TIMM23: variants seen among roughly 807,000 people sequenced by gnomAD.
TIMM23 encodes the protein mitochondrial import inner membrane translocase subunit Tim23.
TIMM23 carries 19 observed loss-of-function variants against 30.7 expected under a neutral mutation model. The observed-to-expected ratio is 0.62, with a 90% CI of 0.43 to 0.91. The LOEUF (loss-of-function observed/expected upper bound fraction) is 0.91. Among genes scored for constraint, TIMM23 ranks in the 40% least tolerant of loss-of-function variants. TIMM23 has a pLI of 0.00. For missense variants in TIMM23, 202 were observed against 269.2 expected (o/e 0.75, Z 1.75); for synonymous variants, 78 against 98.5 (o/e 0.79, Z 1.23).
chr10:45,997,628 A>G (rs1838385778), intron 6 of TIMM23, among the ~76,000 whole-genome samples: 1 of 152,120 alleles, frequency 6.6e-6, no homozygotes, highest in African/African-American at 2.4e-5. Context: ...TCTAGGTAAT[A>G]TAGGGAGACC....
At chr10:45,994,090 A>T (rs1838253954) in intron 6 of TIMM23, among the ~76,000 whole-genome samples, 2 of 152,314 alleles carry the variant, frequency 1.3e-5, no homozygotes. Context: ...CTGTAATCCT[A>T]GCACTTTGGG....
Position 45,982,631 on chromosome 10 carries a change from C to A in TIMM23, c.259+15C>A. On this transcript the variant is annotated intron_variant, in intron 3 of 6. Transcript: ENST00000580018. Reference sequence around the variant, plus strand: ...TTGCATGACAGGTGAGTGTTACATACTTTTTTCTCAAGAGTGCTCAGTTCA... The same window carrying A: ...TTGCATGACAGGTGAGTGTTACATAATTTTTTCTCAAGAGTGCTCAGTTCA... The A allele has an allele frequency of 6.2e-7, 1 of 1,613,598 alleles. No homozygotes were observed. The highest frequency in any genetic ancestry group is 8.5e-7 in the Non-Finnish European group (1 of 1,179,812).
At chr10:45,984,346 C>T (rs1169301780) in intron 4 of TIMM23, among the ~76,000 whole-genome samples, 1 of 152,004 alleles carries the variant, frequency 6.6e-6, no homozygotes, top group African/African-American at 2.4e-5. Flanking sequence ...AAGTAGATCT[C>T]CTAGAAAAGA....
chr10:46,001,854 A>G (rs1554917743), intron 6 of TIMM23, among the ~76,000 whole-genome samples: 1 of 152,214 alleles, frequency 6.6e-6, no homozygotes, highest in Non-Finnish European at 1.5e-5. Context: ...CTAACATTTT[A>G]TAACCATAAG....
At position 45,984,450 on chromosome 10, in the gene TIMM23, C is replaced by T. The variant is rs1391602018; in HGVS notation, c.345-933C>T. 2.6e-5 allele frequency among the ~76,000 whole-genome samples: 4 copies of T among 152,208 alleles called. No homozygotes were observed. The East Asian group carries it at 7.7e-4, about 29-fold the overall frequency. ...TTAAAATATGTTAGTAAATATGTAA[C>T]ATAATTAGAAACAATATACTTCTGT... On this transcript the variant is annotated intron_variant, in intron 4 of 6. Coordinates refer to ENST00000580018, the MANE Select transcript of TIMM23 (RefSeq NM_006327.4).
intron 3 of TIMM23, 29 bp downstream of exon 3, chr10:45,982,645 G>A (rs1837880276): frequency 6.2e-7 from 1 of 1,613,476 alleles, no homozygotes; most frequent in Non-Finnish European, 8.5e-7. Flanking sequence ...TTTCTCAAGA[G>A]TGCTCAGTTC....
At chr10:45,995,315 A>G (rs1273790506) in intron 6 of TIMM23, among the ~76,000 whole-genome samples, 2 of 151,910 alleles carry the variant, frequency 1.3e-5, no homozygotes, top group Admixed American at 6.6e-5. Flanking sequence ...TTAAGAATAC[A>G]TATAATATGC....
At chr10:45,978,005 C>G (rs1186384596) in intron 2 of TIMM23, among the ~76,000 whole-genome samples, 1 of 151,406 alleles carries the variant, frequency 6.6e-6, no homozygotes, top group African/African-American at 2.4e-5. Flanking sequence ...GCACTTCAGC[C>G]TGGGCAACAG....
At chr10:45,978,213 T>C (rs1476308402) in intron 2 of TIMM23, among the ~76,000 whole-genome samples, 1 of 151,156 alleles carries the variant, frequency 6.6e-6, no homozygotes, top group Non-Finnish European at 1.5e-5. Context: ...ATTAGCCGGG[T>C]GTGGTGGTGT....
At chr10:45,995,111 A>G (rs1163020083) in intron 6 of TIMM23, among the ~76,000 whole-genome samples, 9 of 151,452 alleles carry the variant, frequency 5.9e-5, no homozygotes, top group Admixed American at 2.0e-4. Context: ...ATTGAAATCT[A>G]TTTGTCCTGT....
At chr10:46,003,097 G>A in intron 6 of TIMM23, 106 bp from the exon 7 acceptor site, 1 of 854,078 alleles carries the variant, frequency 1.2e-6, no homozygotes, top group Non-Finnish European at 1.8e-6. Flanking sequence ...GATTACCTGA[G>A]CCACCGTGCC....
chr10:45,995,242 G>A (rs1838292806), intron 6 of TIMM23, among the ~76,000 whole-genome samples: 1 of 152,008 alleles, frequency 6.6e-6, no homozygotes, highest in South Asian at 2.1e-4. Flanking sequence ...GAAGGTCCTT[G>A]CCACAGAAAG....
chr10:45,994,631 G>A (rs1339610065), intron 6 of TIMM23, among the ~76,000 whole-genome samples: 86 of 130,726 alleles, frequency 6.6e-4, no homozygotes, highest in African/African-American at 2.3e-3. Flanking sequence ...TTGTAGAGAC[G>A]GGGTTTCACC....
At chr10:45,992,457 A>T in intron 6 of TIMM23, 1 of 455,926 alleles carries the variant, frequency 2.2e-6, no homozygotes. Flanking sequence ...GACTCTCCTT[A>T]GGAGAATTGT....
intron 6 of TIMM23, among the ~76,000 whole-genome samples, chr10:45,998,053 A>G (rs1233861121): frequency 1.3e-5 from 2 of 152,168 alleles, no homozygotes; most frequent in African/African-American, 4.8e-5. Context: ...AGGAGCCACC[A>G]ACTCCTGCTG....
chr10:45,973,783 C>T (rs1245591244), intron 1 of TIMM23, among the ~76,000 whole-genome samples: 2 of 151,466 alleles, frequency 1.3e-5, no homozygotes, highest in East Asian at 1.9e-4. Flanking sequence ...AGCTGGGACT[C>T]TAGGTACGTA....
intron 4 of TIMM23, among the ~76,000 whole-genome samples, chr10:45,983,897 C>T (rs1240228705): frequency 3.3e-5 from 5 of 152,126 alleles, no homozygotes; most frequent in Admixed American, 6.6e-5. Context: ...GCACATGCCA[C>T]CATGCCCAGT....
chr10:45,982,848 G>C lies in TIMM23; in HGVS notation c.262G>C (p.Ala88Pro). 6.2e-7 allele frequency: 1 copy of C among 1,613,810 alleles called. No homozygotes were observed. The highest frequency in any genetic ancestry group is 8.5e-7 in the Non-Finnish European group (1 of 1,179,854). Residue 88 changes from alanine (A) to proline (P), a missense_variant and splice_region_variant, in exon 4 of 7, where the codon GCT (alanine) becomes CCT (proline). Coordinates refer to ENST00000580018, the MANE Select transcript of TIMM23 (RefSeq NM_006327.4). ...GGTGAATTGTTATGATTTACCAGGG[G>C]CTGCGTTTGGTGCAATGAATGGTCT... is the stretch of plus-strand genomic sequence containing the variant. ...FTIGGCCMTG[A>P]AFGAMNGLRL...
At chr10:45,978,146 G>T (rs1370963610) in intron 2 of TIMM23, among the ~76,000 whole-genome samples, 1 of 152,242 alleles carries the variant, frequency 6.6e-6, no homozygotes, top group African/African-American at 2.4e-5. Flanking sequence ...GAGCCCAGGA[G>T]TTTGAGACCT....
Sources: allele counts gnomAD v4.1 joint callset (sites outside exome capture counted in the v4.1 genomes callset), GRCh38; gene constraint gnomAD v4.1.1; transcripts MANE v1.5; gene names NCBI Gene and HGNC (gene_info 2026-07-23, HGNC 2026-07-21).